DENND2C: variants seen among roughly 807,000 people sequenced by gnomAD.
DENND2C encodes the protein DENN domain-containing protein 2C.
Under a neutral mutation model 112.4 loss-of-function variants are expected in DENND2C, and 72 were observed. That is an observed-to-expected ratio of 0.64 (90% CI 0.53 to 0.78). DENND2C has a LOEUF of 0.78. Ranked by LOEUF, DENND2C falls within the 30% of genes least tolerant of loss-of-function variation. The pLI is 0.00. For synonymous variants in DENND2C, 329 were observed against 381.6 expected (o/e 0.86, Z 1.61); for missense variants, 992 against 1,113.8 (o/e 0.89, Z 1.56).
intron 7 of DENND2C, among the ~76,000 whole-genome samples, chr1:114,619,335 G>A (rs1230386888): frequency 6.9e-6 from 1 of 144,236 alleles, no homozygotes; most frequent in African/African-American, 2.9e-5. Context: ...CTTTTCTTAA[G>A]TATTAGTCCT....
intron 7 of DENND2C, among the ~76,000 whole-genome samples, chr1:114,618,786 G>A (rs1656075501): frequency 6.6e-6 from 1 of 152,160 alleles, no homozygotes; most frequent in Non-Finnish European, 1.5e-5. Context: ...ATTGCCCTTT[G>A]TATAGTGATC....
chr1:114,606,174 A>G (rs1028015641), intron 10 of DENND2C, among the ~76,000 whole-genome samples: 3 of 152,158 alleles, frequency 2.0e-5, no homozygotes, highest in Admixed American at 6.6e-5. Context: ...CAGCTGGCCA[A>G]CTAGCTGGGA....
chr1:114,663,517 G>C (rs1353653407), intron 1 of DENND2C, among the ~76,000 whole-genome samples: 1 of 152,140 alleles, frequency 6.6e-6, no homozygotes, highest in Non-Finnish European at 1.5e-5. Context: ...AAAAACAGGA[G>C]GTATGATTTC....
chr1:114,594,919 C>A lies in DENND2C; in HGVS notation c.2326-341G>T, dbSNP rs1279981644. On this transcript the variant is annotated intron_variant, in intron 17 of 20. Coordinates refer to ENST00000393274, the MANE Select transcript of DENND2C (RefSeq NM_001256404.2). ...TGAAAATGTCCTGGGAAACACTCTT[C>A]TTTTCACCCTGTGTTTCAGAGCTCA... is the stretch of plus-strand genomic sequence containing the variant. 2.6e-5 allele frequency among the ~76,000 whole-genome samples: 4 copies of A among 152,178 alleles called. 1 individual carries two copies. Among genetic ancestry groups the A allele is most frequent in the Admixed American group, 2.6e-4 (4 of 15,272 alleles).
At chr1:114,603,266 G>A (rs1405614221) in intron 11 of DENND2C, among the ~76,000 whole-genome samples, 1 of 151,668 alleles carries the variant, frequency 6.6e-6, no homozygotes, top group African/African-American at 2.4e-5. Context: ...TCAGCCTCCC[G>A]AGTAGTGGGA....
chr1:114,601,079 C>CA (rs1312998903), intron 13 of DENND2C, 119 bp from the exon 14 acceptor site: 3 of 1,095,348 alleles, frequency 2.7e-6, no homozygotes, highest in Non-Finnish European at 3.8e-6. Context: ...AAATTTAAGA[C>CA]AGATAAGCTT....
intron 1 of DENND2C, among the ~76,000 whole-genome samples, chr1:114,659,938 A>G (rs1657449425): frequency 7.4e-6 from 1 of 135,978 alleles, no homozygotes; most frequent in Admixed American, 7.8e-5. Context: ...CCACAGGAAC[A>G]CATCACCACG....
At chr1:114,591,998 C>A (rs1328207636) in intron 18 of DENND2C, among the ~76,000 whole-genome samples, 1 of 152,028 alleles carries the variant, frequency 6.6e-6, no homozygotes, top group Non-Finnish European at 1.5e-5. Flanking sequence ...GATTCTCCTG[C>A]CTCAGCATAC....
At chr1:114,600,763 C>A in intron 14 of DENND2C, 57 bp downstream of exon 14, 1 of 1,572,864 alleles carries the variant, frequency 6.4e-7, no homozygotes, top group Non-Finnish European at 8.6e-7. Flanking sequence ...AAACTGCCTA[C>A]TAGTGTAAGT....
intron 1 of DENND2C, among the ~76,000 whole-genome samples, chr1:114,665,882 C>T (rs773265799): frequency 2.6e-5 from 4 of 152,164 alleles, no homozygotes; most frequent in East Asian, 1.9e-4. Flanking sequence ...TCTGCTCTTA[C>T]GGCTTCAATT....
At chr1:114,599,211 T>C (rs1655426067) in intron 16 of DENND2C, 63 bp downstream of exon 16, 2 of 1,330,914 alleles carry the variant, frequency 1.5e-6, no homozygotes, top group Admixed American at 3.9e-5. Flanking sequence ...ATTCCACCAC[T>C]CTTAAGATCA....
chr1:114,642,566 A>G (rs900782446), intron 3 of DENND2C, among the ~76,000 whole-genome samples: 3 of 152,176 alleles, frequency 2.0e-5, no homozygotes, highest in Non-Finnish European at 4.4e-5. Context: ...GATAATACTT[A>G]CTGAGCACTT....
At chr1:114,603,015 G>A (rs1655556580) in intron 11 of DENND2C, among the ~76,000 whole-genome samples, 1 of 152,138 alleles carries the variant, frequency 6.6e-6, no homozygotes, top group South Asian at 2.1e-4. Flanking sequence ...TCCTTAATAT[G>A]TAAAAATTAT....
At chr1:114,619,554 T>C (rs1016662312) in intron 7 of DENND2C, among the ~76,000 whole-genome samples, 1 of 152,168 alleles carries the variant, frequency 6.6e-6, no homozygotes, top group Non-Finnish European at 1.5e-5. Flanking sequence ...GCAAGAAACA[T>C]ATGCTTCCAA....
At chr1:114,668,373 G>A (rs151327781) in intron 1 of DENND2C, among the ~76,000 whole-genome samples, 143 of 152,118 alleles carry the variant, frequency 9.4e-4, no homozygotes, top group Non-Finnish European at 1.7e-3. Context: ...GTATCCAGTG[G>A]TCTAAAATTC....
intron 1 of DENND2C, among the ~76,000 whole-genome samples, chr1:114,666,083 C>A (rs563817060): frequency 1.3e-5 from 2 of 152,284 alleles, no homozygotes; most frequent in South Asian, 4.2e-4. Context: ...AACAGTTTTC[C>A]AAGCTAAAAA....
At chr1:114,629,930 A>G (rs1328269941) in intron 3 of DENND2C, among the ~76,000 whole-genome samples, 2 of 152,216 alleles carry the variant, frequency 1.3e-5, no homozygotes, top group African/African-American at 4.8e-5. Flanking sequence ...GCATCTGGAA[A>G]AATAACTTGG....
At chr1:114,604,884 G>T in intron 11 of DENND2C, 38 bp downstream of exon 11, 2 of 1,416,350 alleles carry the variant, frequency 1.4e-6, no homozygotes, top group Non-Finnish European at 2.0e-6. Context: ...ATTTTTGCAG[G>T]TCTAATGAAT....
chr1:114,626,367 A>C (rs1227835186), intron 3 of DENND2C, among the ~76,000 whole-genome samples, 179 bp from the exon 4 acceptor site: 4 of 152,202 alleles, frequency 2.6e-5, no homozygotes, highest in South Asian at 2.1e-4. Flanking sequence ...TGAGATAATA[A>C]TACTAACAAA....
Sources: gnomAD v4.1 joint callset for allele counts (sites outside exome capture counted in the v4.1 genomes callset) on GRCh38, gnomAD v4.1.1 for gene constraint, MANE v1.5 for transcripts, NCBI Gene and HGNC (gene_info 2026-07-23, HGNC 2026-07-21) for gene names.